UNC5CL: variants seen among roughly 807,000 people sequenced by gnomAD.
UNC5CL encodes the protein UNC5C-like protein.
In UNC5CL, 42 loss-of-function variants were observed where a neutral mutation model predicts 54.1. That is an observed-to-expected ratio of 0.78 (90% CI 0.61 to 1.00). The LOEUF (loss-of-function observed/expected upper bound fraction) is 1.00. Ranked by LOEUF, UNC5CL falls within the 50% of genes least tolerant of loss-of-function variation. The pLI, the probability that UNC5CL is intolerant of heterozygous loss-of-function variation, is 0.00. For missense variants in UNC5CL, 619 were observed against 675.6 expected, an observed-to-expected ratio of 0.92 and a Z score of 0.93; for synonymous variants, 285 against 285.1, an observed-to-expected ratio of 1.00 and a Z score of 0.00.
rs781674928 is a variant in UNC5CL, at chr6:41,034,820, T to C, written c.255A>G (p.Thr85=). Reference sequence around the variant, plus strand: ...GGACCATGGTCTGGCCTTGAGTGGGTGTGTGTAGCTCCTGGTAGAAGGCAA... The same window carrying C: ...GGACCATGGTCTGGCCTTGAGTGGGCGTGTGTAGCTCCTGGTAGAAGGCAA... ...EMVAFYQELH[T]PTQGQTMVRQ... is the part of the protein sequence containing the mutation. The change falls in exon 2 of 9, where the codon ACA becomes ACG. Residue 85 remains threonine, a synonymous_variant. Transcript: ENST00000244565. 1.2e-6 allele frequency: 2 copies of C among 1,614,046 alleles called. No individual in the cohort carries two copies. The highest frequency in any genetic ancestry group is 1.7e-5 in the Admixed American group (1 of 60,002).
rs554780477 is a variant in UNC5CL, at chr6:41,027,536, A to C, written c.*837T>G. 4.6e-5 allele frequency: 7 copies of C among 152,386 alleles called. No individual in the cohort carries two copies. The East Asian group carries it at 1.4e-3, about 29-fold the overall frequency. 9.4% of individuals were successfully genotyped at this position (152,386 alleles called of 1,614,324 possible). ...ATCTTGAAGTTTCTACTCAGCTTTA[A>C]TGTTTTCTGATAGAGAAAATGGCAG... On this transcript the variant is annotated 3_prime_UTR_variant, in exon 9 of 9. Coordinates refer to ENST00000244565, the MANE Select transcript of UNC5CL (RefSeq NM_173561.3).
rs764664967 is a variant in UNC5CL, at chr6:41,028,565, C to G, written c.1365G>C (p.Ala455=). ...GCTCCTCAAACAACTCCAGGATGGC[C>G]GCTGCGGGGCTGCGCTGGCAGGACA... The part of the protein sequence containing the change: ...RFLSCQRSPA[A]AILELFEEQN... Residue 455 remains alanine (A), a synonymous_variant, in exon 9 of 9, where the codon GCG becomes GCC. Transcript: ENST00000244565. This position sits in a 1 kb window ranked among gnomAD's most constrained non-coding sequence, Gnocchi z 4.3. 2.5e-6 allele frequency: 4 copies of G among 1,613,576 alleles called. No individual in the cohort carries two copies. Among genetic ancestry groups the G allele is most frequent in the Non-Finnish European group, 3.4e-6 (4 of 1,180,002 alleles).
intron 1 of UNC5CL, among the ~76,000 whole-genome samples, chr6:41,038,425 C>G (rs1762546658): frequency 6.6e-6 from 1 of 152,018 alleles, no homozygotes. Flanking sequence ...CAGTAGAGTC[C>G]CCTGGCTCAA....
At chr6:41,038,621 GC>G (rs1420007260) in intron 1 of UNC5CL, among the ~76,000 whole-genome samples, 2 of 152,130 alleles carry the variant, frequency 1.3e-5, no homozygotes, top group African/African-American at 4.8e-5. Flanking sequence ...GTGACTTGGG[GC>G]ATCCCAACCC....
intron 6 of UNC5CL, 36 bp from the exon 7 acceptor site, chr6:41,030,791 T>A (rs1762446398): frequency 1.9e-6 from 3 of 1,584,946 alleles, no homozygotes; most frequent in Non-Finnish European, 2.6e-6. Context: ...CACTTAGGGG[T>A]CACAAGCCAT....
At chr6:41,037,405 GACTC>G (rs1470709833) in intron 1 of UNC5CL, among the ~76,000 whole-genome samples, 2 of 152,186 alleles carry the variant, frequency 1.3e-5, no homozygotes, top group African/African-American at 2.4e-5. Context: ...CCCTCTGGTT[GACTC>G]ACTAGAGGCT....
In UNC5CL at chr6:41,034,775, C is replaced by T. The variant is rs368137670; in HGVS notation, c.300G>A (p.Leu100=). 1.5e-5 allele frequency: 24 copies of T among 1,613,892 alleles called. No individual in the cohort carries two copies. The highest frequency in any genetic ancestry group is 2.2e-5 in the East Asian group (1 of 44,888). ...QTMVRQLMHK[L]LVFSAREVDH... is the part of the protein sequence containing the mutation. Reference sequence around the variant, plus strand: ...CCACCTCTCGAGCCGAAAACACCAACAGTTTGTGCATCAACTGGCGGACCA... The same window carrying T: ...CCACCTCTCGAGCCGAAAACACCAATAGTTTGTGCATCAACTGGCGGACCA... Residue 100 remains leucine, a synonymous_variant, in exon 2 of 9, where the codon CTG becomes CTA. Transcript: ENST00000244565.
Position 41,034,725 on chromosome 6 carries a change from A to C in UNC5CL, c.350T>G (p.Leu117Arg). ...GAGCAAGGAGATGCCTGTATCCTGG[A>C]GCATCAGGCAACCGCCGCGGTGATC... ...EVDHRGGCLM[L>R]QDTGISLLIP... The change falls in exon 2 of 9, where the codon CTC becomes CGC. Residue 117 changes from leucine (L) to arginine (R), a missense_variant. Physicochemically the swap from Leu to Arg is moderately radical, Grantham distance 102. Coordinates refer to ENST00000244565, the MANE Select transcript of UNC5CL (RefSeq NM_173561.3). The C allele has an allele frequency of 6.2e-7, 1 of 1,606,494 alleles. No individual in the cohort carries two copies. The highest frequency in any genetic ancestry group is 8.5e-7 in the Non-Finnish European group (1 of 1,179,962).
chr6:41,032,761 G>T, intron 4 of UNC5CL, 123 bp downstream of exon 4: 1 of 1,398,334 alleles, frequency 7.2e-7, no homozygotes, highest in Non-Finnish European at 9.4e-7. Flanking sequence ...ACTCCATCTC[G>T]GGAAAAAAAA....
chr6:41,029,955 G>A lies in UNC5CL; in HGVS notation c.1334+433C>T, dbSNP rs1333543200. On this transcript the variant is annotated intron_variant, in intron 8 of 8. Transcript: ENST00000244565. The surrounding 1 kb of genome is among the most constrained non-coding windows in gnomAD (Gnocchi z 4.1). ...CTCATAGTGTAGTTTCTGGAGCTTA[G>A]CTCAGTATTCTCCTGCTTTCTGAGT... Among the ~76,000 whole-genome samples, 7 of 152,188 alleles carry A rather than the reference G, an allele frequency of 4.6e-5. No individual in the cohort carries two copies. The highest frequency in any genetic ancestry group is 4.6e-4 in the Admixed American group (7 of 15,284).
rs759552788 is a variant in UNC5CL at position 41,035,048 on chromosome 6, T to C, written c.27A>G (p.Gln9=). MCPQESSF[Q]PSQFLLLVGV... ...CCACCAGCAGTAGGAACTGGGAGGG[T>C]TGGAATGAACTCTCCTGGGGGCACA... The change falls in exon 2 of 9, where the codon CAA becomes CAG. Residue 9 remains glutamine, a synonymous_variant. Coordinates refer to ENST00000244565, the MANE Select transcript of UNC5CL (RefSeq NM_173561.3). 1.3e-6 allele frequency: 2 copies of C among 1,586,418 alleles called. No individual in the cohort carries two copies. Among genetic ancestry groups the C allele is most frequent in the African/African-American group, 2.7e-5 (2 of 74,370 alleles).
At position 41,033,951 on chromosome 6, in the gene UNC5CL, A is replaced by G. The variant is rs760406963; in HGVS notation, c.616T>C (p.Trp206Arg). 2 of 1,614,120 alleles carry G rather than the reference A, an allele frequency of 1.2e-6. No individual in the cohort carries two copies. Among genetic ancestry groups the G allele is most frequent in the South Asian group, 2.2e-5 (2 of 91,086 alleles). Residue 206 changes from tryptophan (W) to arginine (R), a missense_variant, in exon 3 of 9, where the codon TGG becomes CGG. Physicochemically the swap from Trp to Arg is moderately radical, Grantham distance 101. Transcript: ENST00000244565. ...SNTTLLDAKVWRPLGRPGAHA... is the reference protein window; with the variant it reads ...SNTTLLDAKVRRPLGRPGAHA... ...GCCCCCGGCCGCCCCAGGGGCCTCCATACCTTGGCATCCAGCAGGGTAGTG... is the reference window on the plus strand; with the variant it reads ...GCCCCCGGCCGCCCCAGGGGCCTCCGTACCTTGGCATCCAGCAGGGTAGTG...
chr6:41,033,258 T>C, intron 3 of UNC5CL, 112 bp from the exon 4 acceptor site: 1 of 1,354,436 alleles, frequency 7.4e-7, no homozygotes, highest in Non-Finnish European at 9.9e-7. Flanking sequence ...TCAAGGAGGT[T>C]CAGAGAACAC....
At chr6:41,034,527 A>G (rs916701196) in intron 2 of UNC5CL, among the ~76,000 whole-genome samples, 163 bp downstream of exon 2, 12 of 152,228 alleles carry the variant, frequency 7.9e-5, no homozygotes, top group Non-Finnish European at 1.6e-4. Context: ...AGTTGTCCCA[A>G]AAGATATGTA....
intron 5 of UNC5CL, 82 bp from the exon 6 acceptor site, chr6:41,031,830 G>T (rs1762456228): frequency 3.4e-6 from 5 of 1,463,138 alleles, no homozygotes; most frequent in Non-Finnish European, 4.8e-6. Flanking sequence ...GGACTCTATA[G>T]TAAGACTTGG....
chr6:41,030,418 G>A lies in UNC5CL; in HGVS notation c.1304C>T (p.Ser435Phe), dbSNP rs148783840. 1,242 of 1,614,092 alleles carry A rather than the reference G, an allele frequency of 7.7e-4. 2 individuals carry two copies. Among genetic ancestry groups the A allele is most frequent in the Non-Finnish European group, 9.9e-4 (1,167 of 1,179,982 alleles). The change falls in exon 8 of 9, where the codon TCC becomes TTC. Residue 435 changes from serine (S) to phenylalanine (F), a missense_variant. Coordinates refer to ENST00000244565, the MANE Select transcript of UNC5CL (RefSeq NM_173561.3). ...ITGNDWRRLA[S>F]HLGLCGMKIR... Reference sequence around the variant, plus strand: ...CTTCATGCCGCAAAGCCCCAGGTGGGAGGCCAGTCTGCGCCAGTCATTGCC... The same window carrying A: ...CTTCATGCCGCAAAGCCCCAGGTGGAAGGCCAGTCTGCGCCAGTCATTGCC...
At chr6:41,031,986 C>A in intron 5 of UNC5CL, 50 bp downstream of exon 5, 2 of 1,579,154 alleles carry the variant, frequency 1.3e-6, no homozygotes, top group Non-Finnish European at 1.7e-6. Context: ...GGAGAGGAGA[C>A]AGGATGGGAA....
At position 41,034,243 on chromosome 6, in the gene UNC5CL, G is replaced by GAGGCC; in HGVS notation, c.386-67_386-63dup. 3.9e-6 allele frequency: 6 copies of GAGGCC among 1,528,564 alleles called. No homozygotes were observed. In the African/African-American group the frequency reaches 4.1e-5, roughly 11 times the overall value. 94.7% of individuals were successfully genotyped at this position (1,528,564 alleles called of 1,614,324 possible). A position where few individuals can be genotyped will look rare whatever the true frequency, so the allele number is the denominator to read the frequency against. On this transcript the variant is annotated intron_variant, in intron 2 of 8. Transcript: ENST00000244565. ...GGCAGGCACACCCCTGCCCCTGAAA[G>GAGGCC]AGGCCAGGCCAGAGAGAAAGGAGGT...
Position 41,028,363 on chromosome 6 carries a change from C to A in UNC5CL, c.*10G>T, listed in dbSNP as rs552030350. ...CCCCTACACCTCCTCCGGCCCTGCC[C>A]GCTGGGCGCTCAGAGCTTCTCGTCC... On this transcript the variant is annotated 3_prime_UTR_variant, in exon 9 of 9. Coordinates refer to ENST00000244565, the MANE Select transcript of UNC5CL (RefSeq NM_173561.3). The surrounding 1 kb of genome is among the most constrained non-coding windows in gnomAD (Gnocchi z 4.3). 2 of 1,561,222 alleles carry A rather than the reference C, an allele frequency of 1.3e-6. No homozygotes were observed. The highest frequency in any genetic ancestry group is 2.3e-5 in the South Asian group (2 of 86,580).
Sources: allele counts gnomAD v4.1 joint callset (sites outside exome capture counted in the v4.1 genomes callset), GRCh38; gene constraint gnomAD v4.1.1; non-coding constraint Gnocchi (gnomAD v3.1); transcripts MANE v1.5; gene names NCBI Gene and HGNC (gene_info 2026-07-23, HGNC 2026-07-21).